Variants in UBE2E1 observed in about 807,000 individuals in gnomAD.
UBE2E1 encodes ubiquitin conjugating enzyme E2 E1, also known as ubiquitin-conjugating enzyme E2 E1.
In UBE2E1, 6 loss-of-function variants were observed where a neutral mutation model predicts 21.4. The ratio of observed to expected loss-of-function variants is 0.28; its 90% CI spans 0.15 to 0.55. The LOEUF is 0.55. UBE2E1 is among the 20% of genes least tolerant of loss of function. UBE2E1 has a pLI of 0.93. For synonymous variants in UBE2E1, 87 were observed against 82.7 expected (o/e 1.05, Z -0.28); for missense variants, 142 against 236.5 (o/e 0.60, Z 2.62).
At chr3:23,819,328 T>G (rs1699596049) in intron 3 of UBE2E1, among the ~76,000 whole-genome samples, 1 of 152,116 alleles carries the variant, frequency 6.6e-6, no homozygotes, top group African/African-American at 2.4e-5. Context: ...GAGAGGCAGA[T>G]GTAATGTTTT....
chr3:23,876,085 T>C lies in UBE2E1; in HGVS notation c.204-11482T>C, dbSNP rs1700908645. On this transcript the variant is annotated intron_variant, in intron 3 of 5. Coordinates refer to ENST00000306627, the MANE Select transcript of UBE2E1 (RefSeq NM_003341.5). The surrounding 1 kb of genome is among the most constrained non-coding windows in gnomAD (Gnocchi z 4.3). ...TGTGCCCAGCCAAATATGTGAATTC[T>C]TGTGTGTGGGTACTAGTTTTTCTGG... is the stretch of plus-strand genomic sequence containing the variant. Among the ~76,000 whole-genome samples, 1 of 152,202 alleles carries C rather than the reference T, an allele frequency of 6.6e-6. No individual in the cohort carries two copies. Among genetic ancestry groups the C allele is most frequent in the Non-Finnish European group, 1.5e-5 (1 of 68,026 alleles).
At position 23,842,167 on chromosome 3, in the gene UBE2E1, T is replaced by G. The variant is rs1700097736; in HGVS notation, c.203+30657T>G. 6.8e-6 allele frequency among the ~76,000 whole-genome samples: 1 copy of G among 147,994 alleles called. No homozygotes were observed. The highest frequency in any genetic ancestry group is 2.5e-5 in the African/African-American group (1 of 40,224). On this transcript the variant is annotated intron_variant, in intron 3 of 5. Coordinates refer to ENST00000306627, the MANE Select transcript of UBE2E1 (RefSeq NM_003341.5). This position sits in a 1 kb window ranked among gnomAD's most constrained non-coding sequence, Gnocchi z 4.6. ...TGTTAGGATCAGGTAAGAAGAAAGA[T>G]TGAACTATGTCATGACCCAGTAAGT...
intron 4 of UBE2E1, chr3:23,888,366 T>G (rs879284275): frequency 7.5e-6 from 3 of 399,156 alleles, no homozygotes; most frequent in Non-Finnish European, 1.5e-5. Context: ...CAGATAAAAG[T>G]ACAACTGCAG....
chr3:23,847,955 A>G lies in UBE2E1; in HGVS notation c.203+36445A>G, dbSNP rs72627023. On this transcript the variant is annotated intron_variant, in intron 3 of 5. Coordinates refer to ENST00000306627, the MANE Select transcript of UBE2E1 (RefSeq NM_003341.5). Reference sequence around the variant, plus strand: ...GAATTACTTTAGATATACTTAATCTATAATAATAGATTATACACCCCTTTC... The same window carrying G: ...GAATTACTTTAGATATACTTAATCTGTAATAATAGATTATACACCCCTTTC... Among the ~76,000 whole-genome samples, 430 of 152,342 alleles carry G rather than the reference A, an allele frequency of 2.8e-3. 10 individuals carry two copies. In the East Asian group the frequency reaches 0.044, roughly 15 times the overall value.
intron 3 of UBE2E1, among the ~76,000 whole-genome samples, chr3:23,874,195 C>T (rs1031063021): frequency 1.3e-5 from 2 of 152,176 alleles, no homozygotes; most frequent in African/African-American, 4.8e-5. Flanking sequence ...AGATGTGTGC[C>T]AGAATCTTTT....
chr3:23,847,331 T>C (rs571424299), intron 3 of UBE2E1, among the ~76,000 whole-genome samples: 2 of 152,184 alleles, frequency 1.3e-5, no homozygotes, highest in African/African-American at 2.4e-5. Flanking sequence ...TAGTACGTAG[T>C]GAAAAGAGCA....
At chr3:23,835,435 C>T (rs945756519) in intron 3 of UBE2E1, among the ~76,000 whole-genome samples, 1 of 151,976 alleles carries the variant, frequency 6.6e-6, no homozygotes, top group African/African-American at 2.4e-5. Context: ...CCAGTACACT[C>T]CAGCCTGAGC....
chr3:23,862,248 C>A (rs1169221381), intron 3 of UBE2E1, among the ~76,000 whole-genome samples: 1 of 152,198 alleles, frequency 6.6e-6, no homozygotes, highest in African/African-American at 2.4e-5. Flanking sequence ...GTAAGGTCCT[C>A]TCTGCTCTGG....
Position 23,810,337 on chromosome 3 carries a change from G to T in UBE2E1, c.153-1123G>T. 8.4e-7 allele frequency: 1 copy of T among 1,196,330 alleles called. No homozygotes were observed. Among genetic ancestry groups the T allele is most frequent in the Middle Eastern group, 1.9e-4 (1 of 5,292 alleles). 74.1% of individuals were successfully genotyped at this position (1,196,330 alleles called of 1,614,324 possible). On this transcript the variant is annotated intron_variant, in intron 2 of 5. Coordinates refer to ENST00000306627, the MANE Select transcript of UBE2E1 (RefSeq NM_003341.5). The surrounding 1 kb of genome is among the most constrained non-coding windows in gnomAD (Gnocchi z 5.8). The stretch of plus-strand genomic sequence containing the variant: ...AGTGCCTAGGTAAGCAAAAGACAAA[G>T]GCCAGGGCTTGGTGTGAACTGCCTG...
chr3:23,813,612 G>T (rs775795522), intron 3 of UBE2E1, among the ~76,000 whole-genome samples: 5 of 151,868 alleles, frequency 3.3e-5, no homozygotes, highest in African/African-American at 1.2e-4. Context: ...GCATGATTTC[G>T]GCTCATTGCA....
At position 23,842,250 on chromosome 3, in the gene UBE2E1, G is replaced by GTGTGTGTGTGGTGT. The variant is rs1553637746; in HGVS notation, c.203+30743_203+30744insGTGTGTGGTGTTGT. 0.021 allele frequency among the ~76,000 whole-genome samples: 1,770 copies of GTGTGTGTGTGGTGT among 85,918 alleles called. 33 individuals are homozygous for GTGTGTGTGTGGTGT. Among genetic ancestry groups the GTGTGTGTGTGGTGT allele is most frequent in the Middle Eastern group, 0.036 (5 of 140 alleles). 56.4% of individuals were successfully genotyped at this position (85,918 alleles called of 152,430 possible). A position where few individuals can be genotyped will look rare whatever the true frequency, so the allele number is the denominator to read the frequency against. ...GTGTGTGTGTGTGTGTGTGTGTGTG[G>GTGTGTGTGTGGTGT]TGTTGTTGTTGTTGGCGACAGGGTC... is the stretch of plus-strand genomic sequence containing the variant. On this transcript the variant is annotated intron_variant, in intron 3 of 5. Coordinates refer to ENST00000306627, the MANE Select transcript of UBE2E1 (RefSeq NM_003341.5). The surrounding 1 kb of genome is among the most constrained non-coding windows in gnomAD (Gnocchi z 4.6).
intron 3 of UBE2E1, among the ~76,000 whole-genome samples, chr3:23,882,544 C>T (rs1028169716): frequency 3.0e-4 from 45 of 152,248 alleles, no homozygotes; most frequent in Admixed American, 1.3e-4. Context: ...CTCCTCAACC[C>T]TTGGGCAGGC....
At chr3:23,867,532 A>G (rs982898593) in intron 3 of UBE2E1, among the ~76,000 whole-genome samples, 2 of 152,204 alleles carry the variant, frequency 1.3e-5, no homozygotes, top group East Asian at 3.8e-4. Flanking sequence ...ATCTTAGATA[A>G]CAGTTGGTAT....
At chr3:23,825,526 T>C (rs1296284158) in intron 3 of UBE2E1, among the ~76,000 whole-genome samples, 1 of 152,178 alleles carries the variant, frequency 6.6e-6, no homozygotes, top group Non-Finnish European at 1.5e-5. Flanking sequence ...GAAACAAATG[T>C]ACAAAAGTAA....
intron 3 of UBE2E1, among the ~76,000 whole-genome samples, chr3:23,821,476 C>A (rs1003884152): frequency 6.6e-6 from 1 of 152,170 alleles, no homozygotes; most frequent in Non-Finnish European, 1.5e-5. Flanking sequence ...TCTTTTCCCA[C>A]CCTCCCTGCT....
At chr3:23,850,243 C>G (rs1416684145) in intron 3 of UBE2E1, among the ~76,000 whole-genome samples, 3 of 152,142 alleles carry the variant, frequency 2.0e-5, no homozygotes, top group Non-Finnish European at 4.4e-5. Flanking sequence ...TCAAGTGATT[C>G]TCCTGCCTCA....
At chr3:23,845,061 A>G (rs933431731) in intron 3 of UBE2E1, among the ~76,000 whole-genome samples, 1 of 152,222 alleles carries the variant, frequency 6.6e-6, no homozygotes, top group Non-Finnish European at 1.5e-5. Flanking sequence ...ACTTAATACC[A>G]TATATGAAGG....
chr3:23,889,383 C>T, intron 5 of UBE2E1, 124 bp downstream of exon 5: 1 of 1,524,718 alleles, frequency 6.6e-7, no homozygotes, highest in Non-Finnish European at 8.8e-7. Flanking sequence ...AACTAATCGG[C>T]TTTTCAAAAG....
intron 3 of UBE2E1, among the ~76,000 whole-genome samples, chr3:23,821,103 T>C (rs1160159261): frequency 2.0e-5 from 3 of 152,238 alleles, no homozygotes; most frequent in Non-Finnish European, 4.4e-5. Context: ...CATTGTTCTG[T>C]AGGTGACTAA....
Sources: allele counts gnomAD v4.1 joint callset (sites outside exome capture counted in the v4.1 genomes callset), GRCh38; gene constraint gnomAD v4.1.1; non-coding constraint Gnocchi (gnomAD v3.1); transcripts MANE v1.5; gene names NCBI Gene and HGNC (gene_info 2026-07-23, HGNC 2026-07-21).